The following MBTPS1 variants were observed in gnomAD, a reference collection of about 807,000 sequenced individuals.
MBTPS1 encodes membrane bound transcription factor peptidase, site 1.
Under a neutral mutation model 127.8 loss-of-function variants are expected in MBTPS1, and 94 were observed. That is an observed-to-expected ratio of 0.74 (90% CI 0.62 to 0.87). The LOEUF (loss-of-function observed/expected upper bound fraction) is 0.87, where lower values mean the gene tolerates loss of function less well. Among genes scored for constraint, MBTPS1 ranks in the 40% least tolerant of loss-of-function variants. The probability of loss-of-function intolerance (pLI) is 0.00; values close to 1 mark genes in which losing one functional copy is unlikely to be tolerated. For missense variants in MBTPS1, 1,636 were observed against 1,353.2 expected, an observed-to-expected ratio of 1.21 and a Z score of -3.28; for synonymous variants, 632 against 509.4, an observed-to-expected ratio of 1.24 and a Z score of -3.24.
intron 1 of MBTPS1, among the ~76,000 whole-genome samples, chr16:84,116,361 C>A (rs1208842115): frequency 6.6e-6 from 1 of 152,186 alleles, no homozygotes; most frequent in Non-Finnish European, 1.5e-5. Context: ...ATGCACAGAC[C>A]GAGATAAGGC....
intron 8 of MBTPS1, 152 bp downstream of exon 8, chr16:84,090,723 A>G: frequency 3.2e-6 from 2 of 630,914 alleles, no homozygotes; most frequent in East Asian, 2.8e-5. Flanking sequence ...TCTACATCCT[A>G]TAGTATTTTT....
Position 84,054,283 on chromosome 16 carries a change from G to C in MBTPS1, c.*166C>G, listed in dbSNP as rs150264549. On this transcript the variant is annotated 3_prime_UTR_variant, in exon 23 of 23. Coordinates refer to ENST00000343411, the MANE Select transcript of MBTPS1 (RefSeq NM_003791.4). ...CACAGGAATCTTCTCGATGTACCAG[G>C]AGCCTCTGCCCATCACAGGAGGGCA... 8.2e-6 allele frequency: 4 copies of C among 487,780 alleles called. No homozygotes were observed. Among genetic ancestry groups the C allele is most frequent in the Middle Eastern group, 2.9e-4 (1 of 3,484 alleles). 30.2% of individuals were successfully genotyped at this position (487,780 alleles called of 1,614,324 possible). A position where few individuals can be genotyped will look rare whatever the true frequency, so the allele number is the denominator to read the frequency against.
intron 11 of MBTPS1, among the ~76,000 whole-genome samples, chr16:84,076,222 C>A (rs1450589642): frequency 6.6e-6 from 1 of 152,060 alleles, no homozygotes; most frequent in Non-Finnish European, 1.5e-5. Flanking sequence ...AAAATTCAAT[C>A]CACAGTCCTC....
intron 20 of MBTPS1, 117 bp from the exon 21 acceptor site, chr16:84,059,545 C>T: frequency 6.3e-6 from 6 of 947,042 alleles, no homozygotes; most frequent in Non-Finnish European, 9.4e-6. Flanking sequence ...GCACAGAGCC[C>T]CTGTGCTCTA....
chr16:84,065,739 C>T lies in MBTPS1; in HGVS notation c.2382G>A (p.Ala794=), dbSNP rs149572196. The T allele has an allele frequency of 9.2e-5, 149 of 1,610,858 alleles. No homozygotes were observed. The highest frequency in any genetic ancestry group is 3.3e-4 in the Middle Eastern group (2 of 6,068). ...DMYYASGCSI[A]KFPEDGVVIT... ...TCACGACGCCATCTTCTGGAAACTT[C>T]GCGATGCTGCACCCTGACGCATAAT... The change falls in exon 18 of 23, where the codon GCG becomes GCA. Residue 794 remains alanine (A), a synonymous_variant. Transcript: ENST00000343411.
rs559343209 is a variant in MBTPS1, at chr16:84,063,457, C to G, written c.2432-12G>C. ...TAAAACCTCCAATCCTGAAACAACACAACAAAAAACAACAGCCATGAGAGT... is the reference window on the plus strand; with the variant it reads ...TAAAACCTCCAATCCTGAAACAACAGAACAAAAAACAACAGCCATGAGAGT... On this transcript the variant is annotated splice_polypyrimidine_tract_variant and intron_variant, in intron 18 of 22. Transcript: ENST00000343411. 6.2e-7 allele frequency: 1 copy of G among 1,609,556 alleles called. No individual in the cohort carries two copies. Among genetic ancestry groups the G allele is most frequent in the African/African-American group, 1.3e-5 (1 of 74,686 alleles).
At chr16:84,074,547 G>A (rs760681450) in intron 12 of MBTPS1, 50 bp downstream of exon 12, 4 of 1,588,314 alleles carry the variant, frequency 2.5e-6, no homozygotes, top group South Asian at 2.3e-5. Flanking sequence ...GGTCTGGGCT[G>A]TGTCTAAGTT....
At chr16:84,099,331 C>G (rs200316252) in intron 2 of MBTPS1, 21 bp from the exon 3 acceptor site, 1 of 1,608,868 alleles carries the variant, frequency 6.2e-7, no homozygotes, top group East Asian at 2.2e-5. Flanking sequence ...TCACCACAAA[C>G]AAAAATAAGA....
chr16:84,091,994 C>T, intron 6 of MBTPS1, 146 bp from the exon 7 acceptor site: 2 of 599,534 alleles, frequency 3.3e-6, no homozygotes, highest in Non-Finnish European at 3.0e-6. Flanking sequence ...CCTGAGCATG[C>T]ATAATGCTCT....
intron 10 of MBTPS1, among the ~76,000 whole-genome samples, chr16:84,083,590 C>T (rs1300723979): frequency 6.6e-6 from 1 of 152,048 alleles, no homozygotes; most frequent in African/African-American, 2.4e-5. Flanking sequence ...CACAACCAGC[C>T]AAGTATCTAG....
intron 11 of MBTPS1, among the ~76,000 whole-genome samples, chr16:84,080,420 C>T (rs1022594710): frequency 1.4e-4 from 21 of 152,234 alleles, no homozygotes; most frequent in Admixed American, 1.4e-3. Flanking sequence ...TCGAAACATG[C>T]CCCCACAAGA....
At chr16:84,065,506 A>C (rs1435934275) in intron 18 of MBTPS1, among the ~76,000 whole-genome samples, 184 bp downstream of exon 18, 1 of 152,222 alleles carries the variant, frequency 6.6e-6, no homozygotes, top group Non-Finnish European at 1.5e-5. Flanking sequence ...TGGTTCCACA[A>C]TTTTGTAAAT....
At chr16:84,084,859 C>G in intron 10 of MBTPS1, 124 bp downstream of exon 10, 1 of 917,962 alleles carries the variant, frequency 1.1e-6, no homozygotes, top group East Asian at 2.5e-5. Context: ...CAGAGCAAGG[C>G]TGTGAAGGGC....
intron 1 of MBTPS1, among the ~76,000 whole-genome samples, chr16:84,110,472 A>T (rs915356969): frequency 6.6e-6 from 1 of 151,170 alleles, no homozygotes; most frequent in Non-Finnish European, 1.5e-5. Flanking sequence ...GGTGAATATT[A>T]AAAAAAAACA....
rs553456926 is a variant in MBTPS1, at chr16:84,078,891, T to G, written c.1448+2856A>C. Among the ~76,000 whole-genome samples the G allele has an allele frequency of 2.2e-4, 34 of 152,342 alleles. No individual in the cohort carries two copies. In the East Asian group the frequency reaches 6.0e-3, roughly 27 times the overall value. On this transcript the variant is annotated intron_variant, in intron 11 of 22. Coordinates refer to ENST00000343411, the MANE Select transcript of MBTPS1 (RefSeq NM_003791.4). ...TGATGTCATGGTTACCTAAGGCGTG[T>G]GCGGAAGCCTGGTAGAAAGAATGGG...
intron 19 of MBTPS1, chr16:84,061,033 G>A (rs2085603730): frequency 5.5e-6 from 2 of 364,514 alleles, no homozygotes; most frequent in South Asian, 7.1e-5. Flanking sequence ...GGTCTGGCTG[G>A]TCTCAAACTC....
intron 1 of MBTPS1, among the ~76,000 whole-genome samples, chr16:84,115,734 G>A (rs2086465148): frequency 6.6e-6 from 1 of 152,188 alleles, no homozygotes; most frequent in African/African-American, 2.4e-5. Flanking sequence ...GCCTGGAAAT[G>A]GGCATTGACT....
At chr16:84,105,910 C>T (rs770024485) in intron 1 of MBTPS1, among the ~76,000 whole-genome samples, 1 of 152,134 alleles carries the variant, frequency 6.6e-6, no homozygotes, top group Non-Finnish European at 1.5e-5. Context: ...TCTGACCTCA[C>T]GGAGCTTACC....
chr16:84,089,216 T>G (rs180706397), intron 8 of MBTPS1, among the ~76,000 whole-genome samples: 1 of 152,378 alleles, frequency 6.6e-6, no homozygotes, highest in East Asian at 1.9e-4. Context: ...CAAGGTGAAC[T>G]GAGATTGTGG....
Sources: gnomAD v4.1 joint callset for allele counts (sites outside exome capture counted in the v4.1 genomes callset) on GRCh38, gnomAD v4.1.1 for gene constraint, MANE v1.5 for transcripts, NCBI Gene and HGNC (gene_info 2026-07-23, HGNC 2026-07-21) for gene names.